Variants in PCCA observed in about 807,000 individuals in gnomAD.
The protein encoded by PCCA is propionyl-CoA carboxylase subunit alpha, also known as propionyl-CoA carboxylase alpha chain, mitochondrial.
In PCCA, 74 loss-of-function variants were observed where a neutral mutation model predicts 101.3. The observed-to-expected ratio is 0.73, with a 90% CI of 0.61 to 0.89. PCCA has a LOEUF of 0.89. Ranked by LOEUF, PCCA falls within the 40% of genes least tolerant of loss-of-function variation. The pLI is 0.00. For missense variants in PCCA, 891 were observed against 907.0 expected, an observed-to-expected ratio of 0.98 and a Z score of 0.23; for synonymous variants, 294 against 313.6, an observed-to-expected ratio of 0.94 and a Z score of 0.66.
In PCCA at chr13:100,127,205, A is replaced by G. The variant is rs532679829; in HGVS notation, c.300+15144A>G. ...GTATGACTTATTCATTTGTATGTTC[A>G]TGTACCTTGCTATTTAAATTCAATA... is the stretch of plus-strand genomic sequence containing the variant. On this transcript the variant is annotated intron_variant, in intron 4 of 23. Coordinates refer to ENST00000376285, the MANE Select transcript of PCCA (RefSeq NM_000282.4). Among the ~76,000 whole-genome samples, 219 of 152,274 alleles carry G rather than the reference A, an allele frequency of 1.4e-3. 2 individuals carry two copies. Among genetic ancestry groups the G allele is most frequent in the Non-Finnish European group, 2.6e-3 (180 of 68,018 alleles).
intron 16 of PCCA, among the ~76,000 whole-genome samples, chr13:100,314,943 T>TAG (rs1327127355): frequency 1.3e-5 from 2 of 152,230 alleles, no homozygotes; most frequent in Non-Finnish European, 2.9e-5. Context: ...ATAGCAATGT[T>TAG]AGCAGTGTTA....
intron 4 of PCCA, chr13:100,149,167 T>C (rs927751780): frequency 6.6e-6 from 1 of 151,754 alleles, no homozygotes; most frequent in East Asian, 1.9e-4. Context: ...GTTTGATTTT[T>C]TTTTTTTTTT....
intron 4 of PCCA, among the ~76,000 whole-genome samples, chr13:100,120,453 A>C (rs1261856716): frequency 6.6e-6 from 1 of 152,090 alleles, no homozygotes; most frequent in Non-Finnish European, 1.5e-5. Flanking sequence ...GAGGATTTGC[A>C]GGTTATTTAG....
At chr13:100,425,808 A>C (rs1181420208) in intron 20 of PCCA, 77 bp downstream of exon 20, 7 of 908,402 alleles carry the variant, frequency 7.7e-6, no homozygotes, top group Admixed American at 7.4e-5. Flanking sequence ...GCTAATACTT[A>C]GAGCTATAGG....
At chr13:100,295,659 T>C (rs140017720) in intron 12 of PCCA, among the ~76,000 whole-genome samples, 176 of 152,322 alleles carry the variant, frequency 1.2e-3, no homozygotes, top group African/African-American at 3.8e-3. Flanking sequence ...AGTGCCACAC[T>C]GATGTTGGTT....
chr13:100,248,297 C>T (rs1016446582), intron 8 of PCCA, among the ~76,000 whole-genome samples: 15 of 151,902 alleles, frequency 9.9e-5, no homozygotes, highest in South Asian at 4.2e-4. Context: ...TTTTTGATGA[C>T]GACTTTAAAA....
chr13:100,161,340 C>G (rs1266533512), intron 6 of PCCA: 1 of 152,102 alleles, frequency 6.6e-6, no homozygotes, highest in East Asian at 1.9e-4. Context: ...TTTAACAGTT[C>G]CACCCTTAAG....
At position 100,437,538 on chromosome 13, in the gene PCCA, TG is replaced by T. The variant is rs202149866; in HGVS notation, c.1846-11713del. Among the ~76,000 whole-genome samples the T allele has an allele frequency of 4.4e-3, 534 of 120,694 alleles. 25 individuals carry two copies. In the East Asian group the frequency reaches 0.14, roughly 31 times the overall value. 79.2% of individuals were successfully genotyped at this position (120,694 alleles called of 152,430 possible). On this transcript the variant is annotated intron_variant, in intron 20 of 23. Transcript: ENST00000376285. ...ACTATTTTATATTTATTTGTTTATT[TG>T]TTTTTTTTTTTACCAGTGTTTCTGT...
intron 23 of PCCA, among the ~76,000 whole-genome samples, chr13:100,528,523 GAC>G (rs2088057382): frequency 6.6e-6 from 1 of 152,238 alleles, no homozygotes; most frequent in Non-Finnish European, 1.5e-5. Flanking sequence ...GCATCAGAGA[GAC>G]ACACAACCTC....
intron 21 of PCCA, among the ~76,000 whole-genome samples, chr13:100,492,574 G>GT (rs2084984538): frequency 6.6e-6 from 1 of 151,692 alleles, no homozygotes; most frequent in Admixed American, 6.6e-5. Context: ...GAAATACTGG[G>GT]TAGAAGAGGG....
At chr13:100,091,779 T>C (rs1273833365) in intron 1 of PCCA, among the ~76,000 whole-genome samples, 1 of 152,236 alleles carries the variant, frequency 6.6e-6, no homozygotes, top group African/African-American at 2.4e-5. Context: ...TTATTTGTTT[T>C]GTGTATCAGC....
chr13:100,228,022 C>CTT (rs757862583), intron 7 of PCCA, among the ~76,000 whole-genome samples: 2 of 149,114 alleles, frequency 1.3e-5, no homozygotes, highest in Non-Finnish European at 3.0e-5. Context: ...TTGACTTTTT[C>CTT]TTTTTTTTTT....
chr13:100,416,083 CG>C (rs1194125824), intron 19 of PCCA, among the ~76,000 whole-genome samples: 1 of 152,058 alleles, frequency 6.6e-6, no homozygotes, highest in Non-Finnish European at 1.5e-5. Flanking sequence ...TCCACTTCAG[CG>C]TTATTTGTAC....
intron 4 of PCCA, chr13:100,154,487 G>C (rs907638834): frequency 6.3e-6 from 1 of 158,160 alleles, no homozygotes; most frequent in Admixed American, 6.1e-5. Flanking sequence ...TCTTTCTTTC[G>C]TCTTAGGCTT....
At chr13:100,349,762 A>T (rs750873825) in intron 18 of PCCA, among the ~76,000 whole-genome samples, 2 of 89,376 alleles carry the variant, frequency 2.2e-5, no homozygotes, top group Non-Finnish European at 5.3e-5. Flanking sequence ...GCTCAGGCTT[A>T]GGAGAACATA....
intron 1 of PCCA, among the ~76,000 whole-genome samples, chr13:100,098,177 G>A (rs527705222): frequency 1.7e-4 from 26 of 152,076 alleles, no homozygotes; most frequent in African/African-American, 6.0e-4. Context: ...AGTCCAGCCT[G>A]GGCAAACATA....
At chr13:100,092,230 A>G (rs1246047025) in intron 1 of PCCA, among the ~76,000 whole-genome samples, 2 of 152,144 alleles carry the variant, frequency 1.3e-5, no homozygotes, top group Non-Finnish European at 2.9e-5. Context: ...GATTTTTCAT[A>G]TATCTTTTAT....
intron 20 of PCCA, among the ~76,000 whole-genome samples, chr13:100,447,994 C>T (rs996582176): frequency 6.6e-5 from 10 of 152,152 alleles, no homozygotes; most frequent in Admixed American, 2.6e-4. Flanking sequence ...ACATCTGTAT[C>T]GTAATGCTCA....
intron 12 of PCCA, among the ~76,000 whole-genome samples, chr13:100,285,896 C>A (rs927698825): frequency 1.3e-5 from 2 of 152,236 alleles, no homozygotes; most frequent in African/African-American, 4.8e-5. Context: ...TGTAACCATA[C>A]TTGAAAGCAA....
Sources: allele counts gnomAD v4.1 joint callset (sites outside exome capture counted in the v4.1 genomes callset), GRCh38; gene constraint gnomAD v4.1.1; transcripts MANE v1.5; gene names NCBI Gene and HGNC (gene_info 2026-07-23, HGNC 2026-07-21).